CACNA1D: variants seen among roughly 807,000 people sequenced by gnomAD.
CACNA1D encodes the protein calcium voltage-gated channel subunit alpha1 D.
Under a neutral mutation model 257.1 loss-of-function variants are expected in CACNA1D, and 55 were observed. That is an observed-to-expected ratio of 0.21 (90% CI 0.17 to 0.27). The LOEUF is 0.27. Among genes scored for constraint, CACNA1D ranks in the 10% least tolerant of loss-of-function variants. CACNA1D has a pLI of 1.00. For missense variants in CACNA1D, 1,876 were observed against 2,784.0 expected (o/e 0.67, Z 7.34); for synonymous variants, 980 against 1,014.9 (o/e 0.97, Z 0.65).
intron 3 of CACNA1D, among the ~76,000 whole-genome samples, chr3:53,574,324 C>G (rs796570865): frequency 2.4e-4 from 37 of 152,306 alleles, no homozygotes; most frequent in African/African-American, 8.9e-4. Context: ...TGCTCATTCT[C>G]CTTTGAACCC....
chr3:53,732,031 T>C lies in CACNA1D; in HGVS notation c.2422T>C (p.Tyr808His). The C allele has an allele frequency of 6.2e-7, 1 of 1,609,818 alleles. No homozygotes were observed. ...GTCATCCTAGGTTACAATTGATGACTATAGAGAAGAGGATGAAGACAAGGA... is the reference window on the plus strand; with the variant it reads ...GTCATCCTAGGTTACAATTGATGACCATAGAGAAGAGGATGAAGACAAGGA... ...NSDNKVTIDDYREEDEDKDPY... is the reference protein window; with the variant it reads ...NSDNKVTIDDHREEDEDKDPY... The change falls in exon 18 of 48, where the codon TAT becomes CAT. Residue 808 changes from tyrosine to histidine, a missense_variant. Tyr to His is a moderately conservative substitution (Grantham distance 83). This residue lies in a region of CACNA1D where 78 missense variants were observed against 69.2 expected (regional missense o/e 1.13). Coordinates refer to ENST00000350061, the MANE Select transcript of CACNA1D (RefSeq NM_001128840.3).
At chr3:53,790,592 A>G (rs2095478206) in intron 40 of CACNA1D, among the ~76,000 whole-genome samples, 1 of 152,178 alleles carries the variant, frequency 6.6e-6, no homozygotes, top group South Asian at 2.1e-4. Flanking sequence ...AGCTATAAAG[A>G]ATTAGGTTGT....
At chr3:53,627,740 T>C (rs2093776416) in intron 3 of CACNA1D, among the ~76,000 whole-genome samples, 1 of 152,030 alleles carries the variant, frequency 6.6e-6, no homozygotes, top group Non-Finnish European at 1.5e-5. Flanking sequence ...AGGCCGGGTG[T>C]GGTGACTCAT....
At chr3:53,505,472 T>G (rs1575694258) in intron 3 of CACNA1D, among the ~76,000 whole-genome samples, 1 of 152,130 alleles carries the variant, frequency 6.6e-6, no homozygotes, top group Admixed American at 6.6e-5. Context: ...GCATTCTGAA[T>G]CCCCAGCCAT....
At chr3:53,591,241 A>AT (rs1258959571) in intron 3 of CACNA1D, among the ~76,000 whole-genome samples, 1 of 151,486 alleles carries the variant, frequency 6.6e-6, no homozygotes, top group East Asian at 1.9e-4. Context: ...TATATTTTTA[A>AT]TTTTTTGTTT....
chr3:53,702,581 C>T, intron 8 of CACNA1D, 60 bp from the exon 9 acceptor site: 1 of 1,558,878 alleles, frequency 6.4e-7, no homozygotes, highest in Non-Finnish European at 8.8e-7. Flanking sequence ...AGGGCAGTGG[C>T]TCAGGATGCA....
chr3:53,581,593 A>C (rs1559872953), intron 3 of CACNA1D, among the ~76,000 whole-genome samples: 1 of 152,240 alleles, frequency 6.6e-6, no homozygotes, highest in Admixed American at 6.5e-5. Context: ...GAGACCGAGC[A>C]GGTATTTGTT....
chr3:53,601,986 C>T (rs2093449144), intron 3 of CACNA1D, among the ~76,000 whole-genome samples: 1 of 152,220 alleles, frequency 6.6e-6, no homozygotes, highest in South Asian at 2.1e-4. Context: ...GCTGGGATTA[C>T]AGGCACGAGC....
At position 53,774,603 on chromosome 3, in the gene CACNA1D, C is replaced by A. The variant is rs745689505; in HGVS notation, c.4127C>A (p.Ala1376Asp). ...TCCACCTAGATGTTTGGGAAAGTTG[C>A]CATGAGAGATAACAACCAGATCAAT... ...VIGMQMFGKVAMRDNNQINRN... is the reference protein window; with the variant it reads ...VIGMQMFGKVDMRDNNQINRN... The change falls in exon 34 of 48, where the codon GCC becomes GAC. Residue 1376 changes from alanine to aspartate, a missense_variant. Coordinates refer to ENST00000350061, the MANE Select transcript of CACNA1D (RefSeq NM_001128840.3). The surrounding 1 kb of genome is among the most constrained non-coding windows in gnomAD (Gnocchi z 4.3). 3 of 1,604,058 alleles carry A rather than the reference C, an allele frequency of 1.9e-6. No individual in the cohort carries two copies. The highest frequency in any genetic ancestry group is 1.7e-4 in the Middle Eastern group (1 of 6,048).
intron 3 of CACNA1D, among the ~76,000 whole-genome samples, chr3:53,596,310 A>G (rs747760153): frequency 1.3e-5 from 2 of 151,784 alleles, no homozygotes; most frequent in Non-Finnish European, 2.9e-5. Context: ...GTGCATGTGC[A>G]TGTGTACCCA....
rs1030684519 is a variant in CACNA1D at position 53,538,153 on chromosome 3, T to A, written c.483+36433T>A. On this transcript the variant is annotated intron_variant, in intron 3 of 47. Coordinates refer to ENST00000350061, the MANE Select transcript of CACNA1D (RefSeq NM_001128840.3). ...ACCAGTTTTTGAAGTTTTTTTTTTT[T>A]TTTTTTTTTTTTTTGACAGAGTCTC... 3.2e-4 allele frequency among the ~76,000 whole-genome samples: 45 copies of A among 142,360 alleles called. 1 individual carries two copies. Among genetic ancestry groups the A allele is most frequent in the African/African-American group, 1.2e-3 (44 of 36,750 alleles). 93.4% of individuals were successfully genotyped at this position (142,360 alleles called of 152,430 possible). A position where few individuals can be genotyped will look rare whatever the true frequency, so the allele number is the denominator to read the frequency against.
chr3:53,649,094 G>A (rs1053121093), intron 3 of CACNA1D, among the ~76,000 whole-genome samples: 2 of 152,150 alleles, frequency 1.3e-5, no homozygotes, highest in African/African-American at 2.4e-5. Context: ...TGCCTGGCAC[G>A]GCCGGTGACA....
At chr3:53,753,190 A>G (rs943770770) in intron 28 of CACNA1D, among the ~76,000 whole-genome samples, 2 of 152,246 alleles carry the variant, frequency 1.3e-5, no homozygotes, top group Non-Finnish European at 2.9e-5. Context: ...TTTATTCAAC[A>G]TAAACTTACA....
At chr3:53,779,552 T>C (rs1328401654) in intron 37 of CACNA1D, among the ~76,000 whole-genome samples, 1 of 152,208 alleles carries the variant, frequency 6.6e-6, no homozygotes, top group Admixed American at 6.5e-5. Flanking sequence ...GACCTGGTGT[T>C]GGTGTCCACT....
intron 27 of CACNA1D, 66 bp downstream of exon 27, chr3:53,749,535 T>C: frequency 8.7e-7 from 1 of 1,148,834 alleles, no homozygotes; most frequent in South Asian, 1.2e-5. Flanking sequence ...CTTTATTGAC[T>C]GATTTCCCCC....
At chr3:53,681,056 A>ATG (rs1193097545) in intron 8 of CACNA1D, among the ~76,000 whole-genome samples, 1 of 152,192 alleles carries the variant, frequency 6.6e-6, no homozygotes, top group African/African-American at 2.4e-5. Flanking sequence ...GACAGCATTG[A>ATG]TGGTGCCACA....
intron 3 of CACNA1D, among the ~76,000 whole-genome samples, chr3:53,566,426 C>T (rs2092837885): frequency 6.6e-6 from 1 of 152,172 alleles, no homozygotes; most frequent in Non-Finnish European, 1.5e-5. Flanking sequence ...CGAATGTCAT[C>T]TTCTCAGAGA....
chr3:53,773,271 G>GA, intron 33 of CACNA1D: 1 of 318,052 alleles, frequency 3.1e-6, no homozygotes, highest in South Asian at 3.4e-5. Context: ...GGAACAGAAG[G>GA]CTGGTGCTGA....
intron 30 of CACNA1D, among the ~76,000 whole-genome samples, chr3:53,767,668 T>C (rs75146433): frequency 0.021 from 3,131 of 151,974 alleles, 112 homozygotes; most frequent in African/African-American, 0.072. Flanking sequence ...TCAGAGATTT[T>C]GTTAAAGATC....
Sources: gnomAD v4.1 joint callset for allele counts (sites outside exome capture counted in the v4.1 genomes callset) on GRCh38, gnomAD v4.1.1 for gene constraint, gnomAD v4.1.1 regional missense constraint, Gnocchi (gnomAD v3.1) non-coding constraint, MANE v1.5 for transcripts, NCBI Gene and HGNC (gene_info 2026-07-23, HGNC 2026-07-21) for gene names.